Variants in ANKRD30BL observed in about 807,000 individuals in gnomAD.
ANKRD30BL encodes putative ankyrin repeat domain-containing protein 30B-like.
Under a neutral mutation model 18.4 loss-of-function variants are expected in ANKRD30BL, and 20 were observed. The observed-to-expected ratio is 1.09, with a 90% confidence interval of 0.77 to 1.58. The LOEUF is 1.58. Ranked by LOEUF, ANKRD30BL falls within the 40% of genes most tolerant of loss-of-function variation. The pLI is 0.00. For missense variants in ANKRD30BL, 224 were observed against 268.6 expected, an observed-to-expected ratio of 0.83 and a Z score of 1.16; for synonymous variants, 72 against 100.9, an observed-to-expected ratio of 0.71 and a Z score of 1.72.
chr2:132,193,222 A>G (rs1296418019), intron 1 of ANKRD30BL, among the ~76,000 whole-genome samples: 1 of 152,214 alleles, frequency 6.6e-6, no homozygotes, highest in Non-Finnish European at 1.5e-5. Context: ...GTTGGCAGAG[A>G]TGGACGATAC....
chr2:132,198,291 T>C (rs1402721428), intron 1 of ANKRD30BL, among the ~76,000 whole-genome samples: 1 of 15,124 alleles, frequency 6.6e-5, no homozygotes, highest in Non-Finnish European at 2.6e-4. Context: ...TTTCTTTCTT[T>C]CTTTCTTTCT....
intron 1 of ANKRD30BL, among the ~76,000 whole-genome samples, chr2:132,222,832 T>TTAAAAAAAA (rs559303905): frequency 1.5e-4 from 8 of 52,812 alleles, no homozygotes; most frequent in Admixed American, 7.7e-4. Context: ...GAATGATCAA[T>TTAAAAAAAA]AAAAAAAAAA....
chr2:132,198,264 T>A (rs1343891886), intron 1 of ANKRD30BL, among the ~76,000 whole-genome samples: 1 of 135,766 alleles, frequency 7.4e-6, no homozygotes, highest in Non-Finnish European at 1.5e-5. Context: ...ACCTTCTTTC[T>A]TTCTTTTCTT....
intron 1 of ANKRD30BL, among the ~76,000 whole-genome samples, chr2:132,246,125 T>A (rs1173960195): frequency 2.0e-5 from 3 of 151,754 alleles, no homozygotes; most frequent in Non-Finnish European, 4.4e-5. Context: ...AACGGGAATA[T>A]CTTCACATAA....
exon 1 of ANKRD30BL, chr2:132,257,553 G>A (rs796562855): frequency 8.4e-5 from 18 of 213,344 alleles, no homozygotes; most frequent in Non-Finnish European, 4.7e-5. Flanking sequence ...AGTGGAGGAG[G>A]GTCCTCTGCA....
At chr2:132,226,162 C>T (rs1261529074) in intron 1 of ANKRD30BL, among the ~76,000 whole-genome samples, 2 of 151,472 alleles carry the variant, frequency 1.3e-5, no homozygotes, top group Non-Finnish European at 2.9e-5. Context: ...TAGAGGCCTT[C>T]GTTGGAAACG....
intron 1 of ANKRD30BL, among the ~76,000 whole-genome samples, chr2:132,200,242 G>A (rs2104746619): frequency 6.6e-6 from 1 of 151,672 alleles, no homozygotes; most frequent in Non-Finnish European, 1.5e-5. Flanking sequence ...ACAAGACAGG[G>A]ATGCCCTCTC....
chr2:132,235,344 T>C lies in ANKRD30BL; in HGVS notation n.441+22185A>G, dbSNP rs576774359. Among the ~76,000 whole-genome samples, 61 of 152,218 alleles carry C rather than the reference T, an allele frequency of 4.0e-4. 1 individual carries two copies. The East Asian group carries it at 0.011, about 27-fold the overall frequency. On this transcript the variant is annotated intron_variant and non_coding_transcript_variant, in intron 1 of 4. Transcript: ENST00000470729. The stretch of plus-strand genomic sequence containing the variant: ...GGTTGGAAGTTCTGACCAGGGCAAC[T>C]AGGCAGGAGAAGGAAATAAAGAGTA...
chr2:132,198,764 C>T (rs62161717), intron 1 of ANKRD30BL, among the ~76,000 whole-genome samples: 1 of 151,826 alleles, frequency 6.6e-6, no homozygotes, highest in South Asian at 2.1e-4. Flanking sequence ...ATTACAGGCG[C>T]CCACCACCAT....
intron 1 of ANKRD30BL, among the ~76,000 whole-genome samples, chr2:132,235,112 A>G (rs1680118852): frequency 6.6e-6 from 1 of 152,194 alleles, no homozygotes; most frequent in African/African-American, 2.4e-5. Context: ...ATAGATGCAG[A>G]AAAAGCCTTT....
intron 1 of ANKRD30BL, among the ~76,000 whole-genome samples, chr2:132,226,427 T>C (rs1362756335): frequency 6.6e-6 from 1 of 150,722 alleles, no homozygotes; most frequent in Non-Finnish European, 1.5e-5. Flanking sequence ...GAGTTGAAAC[T>C]TCCTTTTGAT....
intron 1 of ANKRD30BL, among the ~76,000 whole-genome samples, chr2:132,225,811 G>A (rs371359019): frequency 2.2e-4 from 33 of 150,818 alleles, no homozygotes; most frequent in Middle Eastern, 3.5e-3. Flanking sequence ...GCTTTGAGGC[G>A]TACGGTGGAA....
chr2:132,253,699 T>C (rs72869405), intron 1 of ANKRD30BL, among the ~76,000 whole-genome samples: 1 of 151,582 alleles, frequency 6.6e-6, no homozygotes, highest in African/African-American at 2.4e-5. Context: ...CGGACTCCAC[T>C]GTGGGCCCAC....
chr2:132,245,963 G>A (rs372263769), intron 1 of ANKRD30BL, among the ~76,000 whole-genome samples: 1 of 141,962 alleles, frequency 7.0e-6, no homozygotes, highest in East Asian at 2.2e-4. Context: ...TATCTTCACA[G>A]CAAAACTAGA....
chr2:132,185,120 T>C (rs554649099), intron 1 of ANKRD30BL, among the ~76,000 whole-genome samples: 1 of 152,272 alleles, frequency 6.6e-6, no homozygotes, highest in South Asian at 2.1e-4. Context: ...CCCAAAACTC[T>C]TTAAAGTACT....
chr2:132,220,567 T>A (rs1381988774), intron 1 of ANKRD30BL, among the ~76,000 whole-genome samples: 1 of 151,988 alleles, frequency 6.6e-6, no homozygotes, highest in Non-Finnish European at 1.5e-5. Context: ...GGTTTCGCTG[T>A]GTTGGCCAGG....
At chr2:132,238,064 T>A (rs1322791327) in intron 1 of ANKRD30BL, among the ~76,000 whole-genome samples, 1 of 152,096 alleles carries the variant, frequency 6.6e-6, no homozygotes, top group East Asian at 1.9e-4. Context: ...TTTGAAACAC[T>A]TTTTTTGTAG....
intron 1 of ANKRD30BL, among the ~76,000 whole-genome samples, chr2:132,256,418 G>A (rs1314389084): frequency 1.3e-5 from 2 of 152,186 alleles, no homozygotes; most frequent in Admixed American, 6.5e-5. Context: ...GTGCGAGGAG[G>A]CCGACCGCCC....
At chr2:132,222,234 G>A (rs1269478733) in intron 1 of ANKRD30BL, among the ~76,000 whole-genome samples, 2 of 148,350 alleles carry the variant, frequency 1.3e-5, no homozygotes, top group South Asian at 2.1e-4. Flanking sequence ...CCCCCGCCCG[G>A]CCAGCCGCCC....
Sources: allele counts gnomAD v4.1 joint callset (sites outside exome capture counted in the v4.1 genomes callset), GRCh38; gene constraint gnomAD v4.1.1; transcripts MANE v1.5; gene names NCBI Gene and HGNC (gene_info 2026-07-23, HGNC 2026-07-21).